ATRNL1: variants seen among roughly 807,000 people sequenced by gnomAD.
ATRNL1 encodes the protein attractin-like protein 1.
ATRNL1 carries 95 observed loss-of-function variants against 182.7 expected under a neutral mutation model. That is an observed-to-expected ratio of 0.52 (90% CI 0.44 to 0.62). The LOEUF (loss-of-function observed/expected upper bound fraction) is 0.62, where lower values mean the gene tolerates loss of function less well. Ranked by LOEUF, ATRNL1 falls within the 20% of genes least tolerant of loss-of-function variation. The pLI, the probability that ATRNL1 is intolerant of heterozygous loss-of-function variation, is 0.00. For synonymous variants in ATRNL1, 576 were observed against 568.3 expected, an observed-to-expected ratio of 1.01 and a Z score of -0.19; for missense variants, 1,471 against 1,679.5, an observed-to-expected ratio of 0.88 and a Z score of 2.17.
chr10:115,722,044 C>A (rs1947443609), intron 26 of ATRNL1, among the ~76,000 whole-genome samples: 1 of 152,110 alleles, frequency 6.6e-6, no homozygotes, highest in Non-Finnish European at 1.5e-5. Context: ...TAAAGGCCTT[C>A]TGGACAGTCA....
At chr10:115,161,957 TCTGTGTTAG>T (rs1846808000) in intron 6 of ATRNL1, among the ~76,000 whole-genome samples, 1 of 152,080 alleles carries the variant, frequency 6.6e-6, no homozygotes, top group Non-Finnish European at 1.5e-5. Context: ...ATATAAAAGC[TCTGTGTTAG>T]TGTCTATTAA....
intron 26 of ATRNL1, among the ~76,000 whole-genome samples, chr10:115,576,549 A>G (rs1451744383): frequency 6.6e-6 from 1 of 151,916 alleles, no homozygotes; most frequent in Non-Finnish European, 1.5e-5. Flanking sequence ...AGAAATGTCT[A>G]TTTACATTCT....
At chr10:115,347,408 G>A (rs1856024901) in intron 19 of ATRNL1, among the ~76,000 whole-genome samples, 1 of 152,004 alleles carries the variant, frequency 6.6e-6, no homozygotes, top group South Asian at 2.1e-4. Context: ...TAAACAATAA[G>A]TCACATCTGA....
At chr10:115,356,057 A>T (rs530732566) in intron 19 of ATRNL1, among the ~76,000 whole-genome samples, 1 of 152,250 alleles carries the variant, frequency 6.6e-6, no homozygotes, top group East Asian at 1.9e-4. Context: ...TAATACACAC[A>T]CTAGGATGTG....
Position 115,740,833 on chromosome 10 carries a change from CACACACACACACACACACACAA to C in ATRNL1, c.3903+13490_3903+13511del, listed in dbSNP as rs1409490350. ...TCCTATCTCTTTAAACACACACACA[CACACACACACACACACACACAA>C]ACACACACACAATGTTATGGAATAG... On this transcript the variant is annotated intron_variant, in intron 27 of 28. Transcript: ENST00000355044. Among the ~76,000 whole-genome samples, 38 of 13,204 alleles carry C rather than the reference CACACACACACACACACACACAA, an allele frequency of 2.9e-3. No homozygotes were observed. In the East Asian group the frequency reaches 0.39, roughly 137 times the overall value. 8.7% of individuals were successfully genotyped at this position (13,204 alleles called of 152,430 possible).
rs71010046 is a variant in ATRNL1, at chr10:115,738,154, T to TTTTTTTTTTTTTTTTTTTTTTTC, written c.3903+10801_3903+10802insTTTTTTTTTTTTTTTTTTTTCTT. Among the ~76,000 whole-genome samples, 136 of 63,898 alleles carry TTTTTTTTTTTTTTTTTTTTTTTC rather than the reference T, an allele frequency of 2.1e-3. 30 individuals are homozygous for TTTTTTTTTTTTTTTTTTTTTTTC. Among genetic ancestry groups the TTTTTTTTTTTTTTTTTTTTTTTC allele is most frequent in the Admixed American group, 8.4e-3 (31 of 3,688 alleles). 41.9% of individuals were successfully genotyped at this position (63,898 alleles called of 152,430 possible). A position where few individuals can be genotyped will look rare whatever the true frequency, so the allele number is the denominator to read the frequency against. On this transcript the variant is annotated intron_variant, in intron 27 of 28. Coordinates refer to ENST00000355044, the MANE Select transcript of ATRNL1 (RefSeq NM_207303.4). ...TTTTTTTTTTTTTTTTTTTTTTTTT[T>TTTTTTTTTTTTTTTTTTTTTTTC]TTGAGATGGAGTCCTGCTCTGTCGC...
At chr10:115,632,654 A>G (rs1213437113) in intron 26 of ATRNL1, among the ~76,000 whole-genome samples, 2 of 152,136 alleles carry the variant, frequency 1.3e-5, no homozygotes, top group African/African-American at 4.8e-5. Flanking sequence ...AGAACTGATA[A>G]TGTAAAGGGA....
intron 7 of ATRNL1, 33 bp from the exon 8 acceptor site, chr10:115,170,999 ATTATT>A (rs1487839744): frequency 8.1e-7 from 1 of 1,238,726 alleles, no homozygotes; most frequent in African/African-American, 1.5e-5. Flanking sequence ...AAGATATAAC[ATTATT>A]TTATCTATTA....
chr10:115,849,563 T>C (rs927132105), intron 28 of ATRNL1, among the ~76,000 whole-genome samples: 4 of 152,218 alleles, frequency 2.6e-5, no homozygotes, highest in Non-Finnish European at 5.9e-5. Context: ...AGCTGTGTTT[T>C]CTAACAACTG....
chr10:115,901,743 G>GAAAAAA (rs562327427), intron 28 of ATRNL1, among the ~76,000 whole-genome samples: 15 of 57,884 alleles, frequency 2.6e-4, no homozygotes, highest in East Asian at 1.5e-3. Context: ...GAACTGAGAA[G>GAAAAAA]AAAAAAAAAA....
chr10:115,249,958 ATATT>A (rs1209113016), intron 10 of ATRNL1, among the ~76,000 whole-genome samples: 1 of 152,180 alleles, frequency 6.6e-6, no homozygotes, highest in Non-Finnish European at 1.5e-5. Flanking sequence ...TAAACACATT[ATATT>A]TATTTAGTAT....
chr10:115,797,761 A>C (rs1164753744), intron 27 of ATRNL1, among the ~76,000 whole-genome samples: 4 of 152,140 alleles, frequency 2.6e-5, no homozygotes, highest in Non-Finnish European at 5.9e-5. Context: ...GCCTTCACTA[A>C]GAAGATGACA....
chr10:115,419,007 T>G (rs576009775), intron 20 of ATRNL1, among the ~76,000 whole-genome samples: 11 of 152,202 alleles, frequency 7.2e-5, no homozygotes, highest in Non-Finnish European at 1.6e-4. Context: ...ATACTGTAAT[T>G]TTGTTGTATA....
intron 1 of ATRNL1, among the ~76,000 whole-genome samples, chr10:115,108,470 T>C (rs1477099164): frequency 3.3e-5 from 5 of 151,930 alleles, no homozygotes; most frequent in Non-Finnish European, 7.4e-5. Flanking sequence ...ATGTGCCGAG[T>C]TTTATAGTCC....
At chr10:115,684,633 A>G (rs571689043) in intron 26 of ATRNL1, among the ~76,000 whole-genome samples, 1 of 151,728 alleles carries the variant, frequency 6.6e-6, no homozygotes, top group East Asian at 1.9e-4. Context: ...TCCCTGAGAA[A>G]AATTCCACTA....
chr10:115,846,823 G>A (rs1319657177), intron 27 of ATRNL1, among the ~76,000 whole-genome samples: 1 of 152,074 alleles, frequency 6.6e-6, no homozygotes, highest in African/African-American at 2.4e-5. Flanking sequence ...TCAGGAGGCA[G>A]CCTGCCTGAG....
chr10:115,273,965 A>C (rs1851987700), intron 13 of ATRNL1, among the ~76,000 whole-genome samples: 2 of 152,208 alleles, frequency 1.3e-5, no homozygotes, highest in African/African-American at 4.8e-5. Context: ...ATGGGCTGAA[A>C]TCACATAATT....
intron 26 of ATRNL1, among the ~76,000 whole-genome samples, chr10:115,648,269 G>A (rs988767739): frequency 2.6e-5 from 4 of 152,082 alleles, no homozygotes; most frequent in Admixed American, 6.6e-5. Context: ...ACCTCTTCAA[G>A]GAGAACTACA....
chr10:115,369,394 G>A (rs1289201659), intron 19 of ATRNL1, among the ~76,000 whole-genome samples: 1 of 151,766 alleles, frequency 6.6e-6, no homozygotes, highest in Non-Finnish European at 1.5e-5. Context: ...AGGGATGAGG[G>A]ATTCTGTGAG....
Sources: gnomAD v4.1 joint callset for allele counts (sites outside exome capture counted in the v4.1 genomes callset) on GRCh38, gnomAD v4.1.1 for gene constraint, MANE v1.5 for transcripts, NCBI Gene and HGNC (gene_info 2026-07-23, HGNC 2026-07-21) for gene names.